PCDHA11: variants seen among roughly 807,000 people sequenced by gnomAD.
PCDHA11 encodes the protein protocadherin alpha 11.
Under a neutral mutation model 70.3 loss-of-function variants are expected in PCDHA11, and 61 were observed. That is an observed-to-expected ratio of 0.87 (90% confidence interval 0.71 to 1.07). The LOEUF (loss-of-function observed/expected upper bound fraction) is 1.07. Ranked by LOEUF, PCDHA11 falls within the 50% of genes least tolerant of loss-of-function variation. The probability of loss-of-function intolerance (pLI) is 0.00; values close to 1 mark genes in which losing one functional copy is unlikely to be tolerated. For missense variants in PCDHA11, 1,324 were observed against 1,237.5 expected, an observed-to-expected ratio of 1.07 and a Z score of -1.05; for synonymous variants, 633 against 555.1, an observed-to-expected ratio of 1.14 and a Z score of -1.97.
At chr5:140,883,416 G>A (rs782422692) in intron 1 of PCDHA11, 3 of 1,614,158 alleles carry the variant, frequency 1.9e-6, no homozygotes, top group East Asian at 2.2e-5. Context: ...GGCTCAAATG[G>A]ACAGGTCACC....
chr5:140,955,677 G>A (rs989922322), intron 1 of PCDHA11, among the ~76,000 whole-genome samples: 6 of 151,960 alleles, frequency 3.9e-5, no homozygotes, highest in African/African-American at 1.2e-4. Context: ...TAGTTTTTTC[G>A]AAATCTGTGA....
chr5:141,004,604 C>A (rs1282201587), intron 3 of PCDHA11, among the ~76,000 whole-genome samples: 1 of 152,176 alleles, frequency 6.6e-6, no homozygotes, highest in African/African-American at 2.4e-5. Context: ...GTGCTTAGGC[C>A]TCATGCAGAG....
chr5:140,885,122 T>A (rs191806335), intron 1 of PCDHA11, among the ~76,000 whole-genome samples: 1 of 152,332 alleles, frequency 6.6e-6, no homozygotes, highest in African/African-American at 2.4e-5. Context: ...AGTGCACTTT[T>A]CTTTCTTTCT....
intron 1 of PCDHA11, among the ~76,000 whole-genome samples, chr5:140,888,362 T>G (rs1282144902): frequency 6.6e-6 from 1 of 152,208 alleles, no homozygotes; most frequent in African/African-American, 2.4e-5. Flanking sequence ...TACTGGCATC[T>G]AATAATGGAG....
At chr5:140,966,763 G>C (rs1020607410) in intron 1 of PCDHA11, 1 of 1,470,370 alleles carries the variant, frequency 6.8e-7, no homozygotes, top group Non-Finnish European at 9.0e-7. Flanking sequence ...CGCGGCCAGT[G>C]GCTATGGAGC....
chr5:140,897,389 C>G (rs1212817070), intron 1 of PCDHA11, among the ~76,000 whole-genome samples: 1 of 139,546 alleles, frequency 7.2e-6, no homozygotes, highest in Non-Finnish European at 1.5e-5. Context: ...CTTCCTGTGT[C>G]CATGTGTTCT....
intron 3 of PCDHA11, among the ~76,000 whole-genome samples, chr5:140,985,957 T>A (rs2097180705): frequency 6.6e-6 from 1 of 152,084 alleles, no homozygotes. Context: ...GCCAGGATGG[T>A]CTCAATCTCC....
chr5:140,932,469 A>T (rs1356318037), intron 1 of PCDHA11, among the ~76,000 whole-genome samples: 12 of 152,030 alleles, frequency 7.9e-5, no homozygotes, highest in African/African-American at 2.4e-4. Context: ...TATATAGGAA[A>T]TAGGATATCT....
intron 1 of PCDHA11, among the ~76,000 whole-genome samples, chr5:140,943,064 C>T (rs1352675515): frequency 1.3e-5 from 2 of 151,818 alleles, no homozygotes; most frequent in African/African-American, 4.8e-5. Context: ...CAAGAACAGC[C>T]TGACCAACAT....
rs142570778 is a variant in PCDHA11 at position 141,009,810 on chromosome 5, A to G, written c.2723A>G (p.Asp908Gly). ...CAGGAGCCTACTAACAGCCAAATTG[A>G]CAAAAGTGACTTCATAACCTTCGGC... ...IRQEPTNSQI[D>G]KSDFITFGKK... The change falls in exon 4 of 4, where the codon GAC (aspartate) becomes GGC (glycine). Residue 908 changes from aspartate to glycine, a missense_variant. Asp to Gly is a moderately conservative substitution (Grantham distance 94). Transcript: ENST00000398640. 8 of 1,614,016 alleles carry G rather than the reference A, an allele frequency of 5.0e-6. No individual in the cohort carries two copies. Among genetic ancestry groups the G allele is most frequent in the Admixed American group, 3.3e-5 (2 of 60,000 alleles).
chr5:140,937,151 C>T (rs1170352289), intron 1 of PCDHA11, among the ~76,000 whole-genome samples: 1 of 151,572 alleles, frequency 6.6e-6, no homozygotes, highest in African/African-American at 2.4e-5. Context: ...CATTCTCCTG[C>T]CTCAGCCTCC....
intron 1 of PCDHA11, among the ~76,000 whole-genome samples, chr5:140,957,165 A>C (rs2095338056): frequency 6.6e-6 from 1 of 152,190 alleles, no homozygotes; most frequent in African/African-American, 2.4e-5. Context: ...AAATCTAAGT[A>C]TATAAATTGG....
At chr5:140,938,218 T>C (rs1050033125) in intron 1 of PCDHA11, among the ~76,000 whole-genome samples, 1 of 152,210 alleles carries the variant, frequency 6.6e-6, no homozygotes, top group Admixed American at 6.5e-5. Flanking sequence ...AGTGCTGGGA[T>C]TACAGGCATA....
chr5:140,908,308 G>A (rs1011025623), intron 1 of PCDHA11, among the ~76,000 whole-genome samples: 19 of 152,170 alleles, frequency 1.2e-4, no homozygotes, highest in African/African-American at 4.6e-4. Context: ...AAGGAAGGGC[G>A]GCAGGAGTGG....
At chr5:140,966,751 G>A (rs1554228608) in intron 1 of PCDHA11, 1 of 1,429,674 alleles carries the variant, frequency 7.0e-7, no homozygotes, top group Admixed American at 2.7e-5. Flanking sequence ...GGCTGCCTCC[G>A]CCGCGGCCAG....
chr5:140,922,158 A>G (rs1318778340), intron 1 of PCDHA11, among the ~76,000 whole-genome samples: 1 of 149,104 alleles, frequency 6.7e-6, no homozygotes, highest in South Asian at 2.2e-4. Flanking sequence ...CATCAAAAAC[A>G]ACAAAAAGTA....
intron 3 of PCDHA11, among the ~76,000 whole-genome samples, chr5:140,994,753 G>A (rs143791883): frequency 1.1e-4 from 16 of 152,252 alleles, no homozygotes; most frequent in African/African-American, 3.9e-4. Context: ...AGTAGGATGT[G>A]GAGAGGAAGA....
At chr5:140,915,581 A>G (rs1563006188) in intron 1 of PCDHA11, among the ~76,000 whole-genome samples, 1 of 151,994 alleles carries the variant, frequency 6.6e-6, no homozygotes, top group Non-Finnish European at 1.5e-5. Flanking sequence ...GCCAGGCAAA[A>G]GCACTTGTTC....
chr5:140,966,971 C>T lies in PCDHA11; in HGVS notation c.2392-11978C>T, dbSNP rs375161984. On this transcript the variant is annotated intron_variant, in intron 1 of 3. Coordinates refer to ENST00000398640, the MANE Select transcript of PCDHA11 (RefSeq NM_018902.5). ...CGTGGCTCGCGCGCTGGGGCTTGAG[C>T]TGCGGCGCTTGGGGCCGGGTTGCTT... 13 of 1,602,690 alleles carry T rather than the reference C, an allele frequency of 8.1e-6. No homozygotes were observed. The African/African-American group carries it at 1.7e-4, about 21-fold the overall frequency.
Sources: gnomAD v4.1 joint callset for allele counts (sites outside exome capture counted in the v4.1 genomes callset) on GRCh38, gnomAD v4.1.1 for gene constraint, MANE v1.5 for transcripts, NCBI Gene and HGNC (gene_info 2026-07-23, HGNC 2026-07-21) for gene names.